BTC: variants seen among roughly 807,000 people sequenced by gnomAD.
BTC encodes the protein betacellulin.
Under a neutral mutation model 18.1 loss-of-function variants are expected in BTC, and 13 were observed. The observed-to-expected ratio is 0.72, with a 90% CI of 0.47 to 1.14. The LOEUF is 1.14. Ranked by LOEUF, BTC falls within the 50% of genes most tolerant of loss-of-function variation. BTC has a pLI of 0.00. For synonymous variants in BTC, 83 were observed against 79.4 expected, an observed-to-expected ratio of 1.05 and a Z score of -0.24; for missense variants, 247 against 224.2, an observed-to-expected ratio of 1.10 and a Z score of -0.65.
intron 1 of BTC, 25 bp downstream of exon 1, chr4:74,794,237 T>A: frequency 6.5e-7 from 1 of 1,550,006 alleles, no homozygotes; most frequent in Non-Finnish European, 8.7e-7. Flanking sequence ...CCTCCTGGTT[T>A]CCAGTGCCCA....
intron 1 of BTC, among the ~76,000 whole-genome samples, chr4:74,789,654 A>G (rs1344560249): frequency 1.3e-5 from 2 of 152,174 alleles, no homozygotes; most frequent in Non-Finnish European, 1.5e-5. Context: ...TGAAAAAATT[A>G]TTTTGTCCTA....
intron 1 of BTC, among the ~76,000 whole-genome samples, chr4:74,785,475 G>T (rs1345498713): frequency 2.6e-5 from 4 of 152,066 alleles, no homozygotes. Context: ...TTTGGGGTTT[G>T]TTTGCTCTTG....
At chr4:74,776,771 C>T (rs1476440331) in intron 1 of BTC, among the ~76,000 whole-genome samples, 1 of 152,092 alleles carries the variant, frequency 6.6e-6, no homozygotes, top group Non-Finnish European at 1.5e-5. Flanking sequence ...CATCTCTGAG[C>T]TGAATTTTCC....
chr4:74,788,787 G>A (rs570604539), intron 1 of BTC, among the ~76,000 whole-genome samples: 1 of 152,224 alleles, frequency 6.6e-6, no homozygotes, highest in Non-Finnish European at 1.5e-5. Context: ...CAACTTTCAT[G>A]AACAAAACTC....
intron 1 of BTC, among the ~76,000 whole-genome samples, chr4:74,782,185 T>A (rs1289651303): frequency 6.6e-6 from 1 of 152,002 alleles, no homozygotes; most frequent in Non-Finnish European, 1.5e-5. Flanking sequence ...TGTACCATAG[T>A]GGTTTGCTAC....
intron 1 of BTC, 103 bp downstream of exon 1, chr4:74,794,159 G>A: frequency 7.0e-7 from 1 of 1,427,356 alleles, no homozygotes; most frequent in South Asian, 1.2e-5. Flanking sequence ...CAGCCCCAGC[G>A]CGCCCTCTTG....
At chr4:74,753,826 AG>A (rs138048791) in intron 3 of BTC, among the ~76,000 whole-genome samples, 23,433 of 117,496 alleles carry the variant, frequency 0.2, 2,280 homozygotes, top group Middle Eastern at 0.27. Flanking sequence ...CTCCAAAAAA[AG>A]AAAAAAAAAA....
intron 1 of BTC, among the ~76,000 whole-genome samples, chr4:74,773,704 T>C (rs1577962603): frequency 6.6e-6 from 1 of 151,848 alleles, no homozygotes; most frequent in Non-Finnish European, 1.5e-5. Flanking sequence ...CTCCGCCTCC[T>C]GGGTTCAAGC....
intron 2 of BTC, among the ~76,000 whole-genome samples, chr4:74,758,627 C>A (rs1254476406): frequency 6.6e-6 from 1 of 152,112 alleles, no homozygotes; most frequent in African/African-American, 2.4e-5. Flanking sequence ...TTTAAATGCA[C>A]CCAGACTTTT....
At chr4:74,748,257 T>G in intron 4 of BTC, 108 bp from the exon 5 acceptor site, 1 of 663,420 alleles carries the variant, frequency 1.5e-6, no homozygotes, top group Non-Finnish European at 2.4e-6. Flanking sequence ...AAAAAATATT[T>G]AGGGTTCTAG....
intron 1 of BTC, among the ~76,000 whole-genome samples, chr4:74,789,230 G>A (rs1286512365): frequency 6.6e-6 from 1 of 152,222 alleles, no homozygotes; most frequent in Admixed American, 6.5e-5. Context: ...GCCATGGTGG[G>A]CAAATTCCTG....
intron 2 of BTC, among the ~76,000 whole-genome samples, chr4:74,768,987 C>T (rs1319956854): frequency 2.6e-5 from 4 of 152,044 alleles, no homozygotes; most frequent in African/African-American, 7.2e-5. Context: ...ATTTTACAGC[C>T]GATGAGCACC....
intron 2 of BTC, among the ~76,000 whole-genome samples, chr4:74,758,292 A>G (rs1212391875): frequency 6.6e-6 from 1 of 152,182 alleles, no homozygotes; most frequent in Non-Finnish European, 1.5e-5. Context: ...AGCAAGAGAG[A>G]GCTGAAGATG....
At chr4:74,792,894 A>T (rs967874) in intron 1 of BTC, among the ~76,000 whole-genome samples, 73,250 of 152,112 alleles carry the variant, frequency 0.48, 19,000 homozygotes, top group African/African-American at 0.68. Flanking sequence ...GGGCTTGCAT[A>T]TCCAAATTCA....
chr4:74,763,839 A>G (rs1483213323), intron 2 of BTC, among the ~76,000 whole-genome samples: 1 of 152,180 alleles, frequency 6.6e-6, no homozygotes, highest in African/African-American at 2.4e-5. Context: ...TGAAATAACT[A>G]AAAGAGAAGA....
intron 3 of BTC, among the ~76,000 whole-genome samples, chr4:74,751,484 C>T (rs1359771735): frequency 6.6e-6 from 1 of 152,118 alleles, no homozygotes; most frequent in Non-Finnish European, 1.5e-5. Flanking sequence ...TCTAAATGCC[C>T]TCCCTTTTTT....
At chr4:74,759,463 C>T (rs1380519311) in intron 2 of BTC, among the ~76,000 whole-genome samples, 4 of 152,074 alleles carry the variant, frequency 2.6e-5, no homozygotes, top group African/African-American at 9.7e-5. Context: ...CACTAGTGGA[C>T]CAGGCTGCAA....
intron 1 of BTC, among the ~76,000 whole-genome samples, chr4:74,780,854 C>T (rs1725298047): frequency 6.7e-6 from 1 of 150,356 alleles, no homozygotes; most frequent in African/African-American, 2.4e-5. Flanking sequence ...TTCCAAGTGG[C>T]CTGAGTCTTC....
chr4:74,781,268 T>G (rs1560722618), intron 1 of BTC, among the ~76,000 whole-genome samples: 2 of 152,150 alleles, frequency 1.3e-5, no homozygotes, highest in Non-Finnish European at 2.9e-5. Flanking sequence ...CTGTGTTCTC[T>G]GAACTATACA....
Sources: allele counts gnomAD v4.1 joint callset (sites outside exome capture counted in the v4.1 genomes callset), GRCh38; gene constraint gnomAD v4.1.1; transcripts MANE v1.5; gene names NCBI Gene and HGNC (gene_info 2026-07-23, HGNC 2026-07-21).